HSD17B7: variants seen among roughly 807,000 people sequenced by gnomAD.
HSD17B7 encodes 3-keto-steroid reductase/17-beta-hydroxysteroid dehydrogenase 7.
A neutral mutation model predicts 34.1 loss-of-function variants in HSD17B7; 17 were observed. The observed-to-expected ratio is 0.50, with a 90% CI of 0.34 to 0.75. HSD17B7 has a LOEUF of 0.75. HSD17B7 is among the 30% of genes least tolerant of loss of function. The probability of loss-of-function intolerance (pLI) is 0.01; values close to 1 mark genes in which losing one functional copy is unlikely to be tolerated. For missense variants in HSD17B7, 296 were observed against 406.6 expected, an observed-to-expected ratio of 0.73 and a Z score of 2.34; for synonymous variants, 122 against 154.6, an observed-to-expected ratio of 0.79 and a Z score of 1.56.
chr1:162,807,491 G>T (rs529094481), intron 8 of HSD17B7, among the ~76,000 whole-genome samples: 1,862 of 152,168 alleles, frequency 0.012, 29 homozygotes, highest in African/African-American at 0.043. Context: ...ATATACCCAG[G>T]AATGGGATGG....
chr1:162,808,642 A>C (rs914018693), intron 8 of HSD17B7, among the ~76,000 whole-genome samples: 68 of 152,064 alleles, frequency 4.5e-4, no homozygotes, highest in Non-Finnish European at 7.4e-4. Flanking sequence ...CTTTTATTTC[A>C]TTGAGCAGTG....
intron 2 of HSD17B7, among the ~76,000 whole-genome samples, chr1:162,796,061 T>C (rs1648598370): frequency 1.3e-5 from 2 of 152,172 alleles, no homozygotes; most frequent in African/African-American, 4.8e-5. Flanking sequence ...CACTGAAAGG[T>C]TTCCACATGG....
intron 1 of HSD17B7, 136 bp downstream of exon 1, chr1:162,790,971 G>T (rs1332978400): frequency 1.5e-5 from 10 of 657,204 alleles, no homozygotes; most frequent in African/African-American, 1.3e-4. Context: ...TCTGCAGCAG[G>T]TGTGGGGCAT....
At chr1:162,809,263 G>T (rs1649093719) in intron 8 of HSD17B7, among the ~76,000 whole-genome samples, 1 of 152,140 alleles carries the variant, frequency 6.6e-6, no homozygotes, top group Admixed American at 6.6e-5. Flanking sequence ...TTATATGCTG[G>T]ATTACGTTTA....
At chr1:162,807,155 G>A (rs1231577698) in intron 8 of HSD17B7, among the ~76,000 whole-genome samples, 2 of 152,098 alleles carry the variant, frequency 1.3e-5, no homozygotes, top group African/African-American at 4.8e-5. Context: ...CCCAGTGTGT[G>A]AGGTTCCCCT....
chr1:162,802,396 A>G (rs944301352), intron 5 of HSD17B7, among the ~76,000 whole-genome samples: 4 of 152,212 alleles, frequency 2.6e-5, no homozygotes, highest in South Asian at 2.1e-4. Flanking sequence ...TTGTTTTCTT[A>G]GGAAAAACTT....
intron 5 of HSD17B7, among the ~76,000 whole-genome samples, chr1:162,801,129 G>A (rs1216874791): frequency 1.3e-5 from 2 of 152,086 alleles, no homozygotes; most frequent in Non-Finnish European, 2.9e-5. Flanking sequence ...ACAGGGATGT[G>A]CCACCACACC....
intron 1 of HSD17B7, chr1:162,792,436 T>C (rs1471720190): frequency 1.7e-6 from 1 of 585,250 alleles, no homozygotes; most frequent in East Asian, 3.4e-5. Context: ...ATTTTGTCAT[T>C]GAAGTTTTTC....
chr1:162,801,549 T>G (rs1648814749), intron 5 of HSD17B7, among the ~76,000 whole-genome samples: 1 of 152,150 alleles, frequency 6.6e-6, no homozygotes, highest in African/African-American at 2.4e-5. Flanking sequence ...TACATGAGTG[T>G]GGGTATGTAT....
rs1050839264 is a variant in HSD17B7 at position 162,790,904 on chromosome 1, C to G, written c.35+69C>G. ...GTCCGAGAGAGCAGGGGTCTGCGAC[C>G]CTCCACGAACGGACCCCGGAAGCGC... On this transcript the variant is annotated intron_variant, in intron 1 of 8. Transcript: ENST00000254521. 20 of 1,273,248 alleles carry G rather than the reference C, an allele frequency of 1.6e-5. No homozygotes were observed. The African/African-American group carries it at 2.9e-4, about 19-fold the overall frequency. 78.9% of individuals were successfully genotyped at this position (1,273,248 alleles called of 1,614,324 possible).
At chr1:162,799,231 T>C (rs1324196806) in intron 4 of HSD17B7, among the ~76,000 whole-genome samples, 2 of 152,224 alleles carry the variant, frequency 1.3e-5, no homozygotes, top group African/African-American at 4.8e-5. Context: ...TTTATTTTCC[T>C]GCTCAAATTT....
chr1:162,800,328 C>T, intron 5 of HSD17B7: 1 of 453,310 alleles, frequency 2.2e-6, no homozygotes. Flanking sequence ...AGTCATTTAC[C>T]TGATGGTCAC....
intron 8 of HSD17B7, among the ~76,000 whole-genome samples, chr1:162,805,990 A>G (rs1047616256): frequency 5.9e-5 from 9 of 152,142 alleles, no homozygotes; most frequent in African/African-American, 1.7e-4. Flanking sequence ...CCCTTTGAGT[A>G]TTCAATTCTG....
At chr1:162,802,191 G>A (rs1226892541) in intron 5 of HSD17B7, among the ~76,000 whole-genome samples, 1 of 152,170 alleles carries the variant, frequency 6.6e-6, no homozygotes, top group Non-Finnish European at 1.5e-5. Context: ...TAAACAAATG[G>A]AAGGATACAG....
At chr1:162,796,726 T>C (rs1309662056) in intron 3 of HSD17B7, 49 bp downstream of exon 3, 3 of 1,148,036 alleles carry the variant, frequency 2.6e-6, no homozygotes, top group Non-Finnish European at 2.7e-6. Context: ...GTGTTCATTT[T>C]TCTGCCTAGT....
intron 2 of HSD17B7, among the ~76,000 whole-genome samples, chr1:162,794,245 A>G (rs973901973): frequency 7.9e-5 from 12 of 152,228 alleles, no homozygotes; most frequent in African/African-American, 2.9e-4. Context: ...AATGGGTAGA[A>G]ACAAGGAAGG....
At chr1:162,792,964 T>C (rs1648466040) in intron 2 of HSD17B7, 102 bp downstream of exon 2, 1 of 1,146,766 alleles carries the variant, frequency 8.7e-7, no homozygotes, top group Admixed American at 2.0e-5. Flanking sequence ...ACAGGTGCGG[T>C]GTAAGCAGTT....
intron 3 of HSD17B7, 89 bp from the exon 4 acceptor site, chr1:162,797,713 T>C (rs1648665372): frequency 6.5e-6 from 10 of 1,532,842 alleles, no homozygotes; most frequent in Middle Eastern, 1.7e-4. Flanking sequence ...GTGTAGTTTA[T>C]GGGTCGGGGG....
At chr1:162,802,244 T>G (rs970211283) in intron 5 of HSD17B7, among the ~76,000 whole-genome samples, 3 of 152,248 alleles carry the variant, frequency 2.0e-5, no homozygotes, top group Admixed American at 6.5e-5. Flanking sequence ...TGTTTATCTC[T>G]CAACATCAGA....
Sources: gnomAD v4.1 joint callset for allele counts (sites outside exome capture counted in the v4.1 genomes callset) on GRCh38, gnomAD v4.1.1 for gene constraint, MANE v1.5 for transcripts, NCBI Gene and HGNC (gene_info 2026-07-23, HGNC 2026-07-21) for gene names.